Variants in MDGA2 observed in about 807,000 individuals in gnomAD.
The protein encoded by MDGA2 is MAM domain containing glycosylphosphatidylinositol anchor 2.
Under a neutral mutation model 117.8 loss-of-function variants are expected in MDGA2, and 40 were observed. The observed-to-expected ratio is 0.34, with a 90% CI of 0.26 to 0.44. The LOEUF is 0.44. Ranked by LOEUF, MDGA2 falls within the 20% of genes least tolerant of loss-of-function variation. MDGA2 has a pLI of 1.00. For synonymous variants in MDGA2, 452 were observed against 439.0 expected, an observed-to-expected ratio of 1.03 and a Z score of -0.37; for missense variants, 1,123 against 1,250.6, an observed-to-expected ratio of 0.90 and a Z score of 1.54.
At chr14:47,398,682 G>T (rs1310454970) in intron 1 of MDGA2, among the ~76,000 whole-genome samples, 1 of 152,072 alleles carries the variant, frequency 6.6e-6, no homozygotes, top group Non-Finnish European at 1.5e-5. Context: ...CTGTGGTGCT[G>T]TATTTCATGC....
intron 2 of MDGA2, among the ~76,000 whole-genome samples, chr14:47,282,287 T>G (rs753716346): frequency 1.1e-4 from 16 of 152,162 alleles, no homozygotes; most frequent in Admixed American, 3.9e-4. Context: ...ATGCAGTCAC[T>G]TGAGGTTCAT....
chr14:47,324,031 G>A (rs1890066915), intron 1 of MDGA2, among the ~76,000 whole-genome samples: 1 of 151,840 alleles, frequency 6.6e-6, no homozygotes, highest in African/African-American at 2.4e-5. Flanking sequence ...GAATCATGAG[G>A]TCAGGAGACT....
intron 1 of MDGA2, among the ~76,000 whole-genome samples, chr14:47,629,021 C>G (rs1348837467): frequency 6.6e-6 from 1 of 152,220 alleles, no homozygotes; most frequent in South Asian, 2.1e-4. Context: ...TGTACCCACT[C>G]CTGCTTTTCT....
intron 14 of MDGA2, among the ~76,000 whole-genome samples, chr14:46,857,836 T>C (rs117579481): frequency 6.6e-6 from 1 of 152,046 alleles, no homozygotes; most frequent in Non-Finnish European, 1.5e-5. Flanking sequence ...TTTATCTTTT[T>C]TTATGAATGG....
chr14:46,860,304 A>G (rs775002499), intron 14 of MDGA2, among the ~76,000 whole-genome samples: 21 of 151,988 alleles, frequency 1.4e-4, no homozygotes, highest in Non-Finnish European at 2.4e-4. Context: ...CACATTTATT[A>G]TTATATAAAA....
chr14:47,086,515 A>T (rs1280724706), intron 6 of MDGA2, among the ~76,000 whole-genome samples: 1 of 152,114 alleles, frequency 6.6e-6, no homozygotes, highest in African/African-American at 2.4e-5. Context: ...AATTGCAAAA[A>T]TAAGTTTTAA....
rs369961058 is a variant in MDGA2, at chr14:46,865,415, C to A, written c.2752+8018G>T. Reference sequence around the variant, plus strand: ...TCAAAATAATAAGAGCTATCTATGACAAACCCACAGCCAATATCATACTGA... The same window carrying A: ...TCAAAATAATAAGAGCTATCTATGAAAAACCCACAGCCAATATCATACTGA... On this transcript the variant is annotated intron_variant, in intron 14 of 16. Transcript: ENST00000399232. Among the ~76,000 whole-genome samples, 7 of 152,234 alleles carry A rather than the reference C, an allele frequency of 4.6e-5. No homozygotes were observed. In the East Asian group the frequency reaches 9.7e-4, roughly 21 times the overall value.
At chr14:47,559,771 C>A (rs1441402559) in intron 1 of MDGA2, among the ~76,000 whole-genome samples, 1 of 151,928 alleles carries the variant, frequency 6.6e-6, no homozygotes, top group African/African-American at 2.4e-5. Flanking sequence ...CGAAGTTTCA[C>A]CATGTTGGTC....
At chr14:47,379,075 G>A (rs1257777266) in intron 1 of MDGA2, among the ~76,000 whole-genome samples, 2 of 152,180 alleles carry the variant, frequency 1.3e-5, no homozygotes, top group African/African-American at 2.4e-5. Context: ...CATTCTTAAA[G>A]AAAAGAATTT....
At chr14:46,851,712 G>A (rs972661571) in intron 15 of MDGA2, among the ~76,000 whole-genome samples, 1 of 151,748 alleles carries the variant, frequency 6.6e-6, no homozygotes, top group African/African-American at 2.4e-5. Flanking sequence ...AGAGGTAAAA[G>A]TTGTGCCGTC....
intron 7 of MDGA2, among the ~76,000 whole-genome samples, chr14:47,043,965 A>C (rs1889166998): frequency 6.6e-6 from 1 of 152,078 alleles, no homozygotes; most frequent in Non-Finnish European, 1.5e-5. Flanking sequence ...TATTCTGTAC[A>C]TGTCATGACG....
At chr14:47,020,157 C>G (rs1888236732) in intron 8 of MDGA2, among the ~76,000 whole-genome samples, 1 of 149,824 alleles carries the variant, frequency 6.7e-6, no homozygotes, top group Non-Finnish European at 1.5e-5. Flanking sequence ...AATCTTTTTC[C>G]AACTATGGGA....
chr14:47,265,702 C>G (rs1594761529), intron 2 of MDGA2, among the ~76,000 whole-genome samples: 1 of 151,700 alleles, frequency 6.6e-6, no homozygotes, highest in Non-Finnish European at 1.5e-5. Flanking sequence ...AACTGACTAG[C>G]CAAATCTGAA....
At chr14:47,315,881 C>T (rs1248962927) in intron 1 of MDGA2, among the ~76,000 whole-genome samples, 2 of 150,270 alleles carry the variant, frequency 1.3e-5, no homozygotes, top group Non-Finnish European at 3.0e-5. Flanking sequence ...TTTTCTGCCA[C>T]AAGTTTTTTT....
At chr14:47,497,705 A>G (rs1894312427) in intron 1 of MDGA2, among the ~76,000 whole-genome samples, 2 of 152,214 alleles carry the variant, frequency 1.3e-5, no homozygotes, top group South Asian at 2.1e-4. Flanking sequence ...TTACATAAAT[A>G]GATTATGCTC....
chr14:47,225,344 A>G (rs1335596801), intron 2 of MDGA2, among the ~76,000 whole-genome samples: 2 of 151,860 alleles, frequency 1.3e-5, no homozygotes, highest in Non-Finnish European at 2.9e-5. Context: ...TCATGCTGCT[A>G]TAAAGACACA....
intron 3 of MDGA2, among the ~76,000 whole-genome samples, chr14:47,151,688 G>T (rs958562248): frequency 1.3e-5 from 2 of 151,656 alleles, no homozygotes; most frequent in African/African-American, 4.8e-5. Flanking sequence ...TTTTAAAAGT[G>T]TATGATTTTT....
At chr14:47,529,430 C>T (rs1465914978) in intron 1 of MDGA2, among the ~76,000 whole-genome samples, 1 of 152,076 alleles carries the variant, frequency 6.6e-6, no homozygotes, top group Non-Finnish European at 1.5e-5. Context: ...GCATAATAAT[C>T]ACATCAGAGT....
intron 1 of MDGA2, among the ~76,000 whole-genome samples, chr14:47,595,429 G>A (rs1343432836): frequency 6.6e-6 from 1 of 151,484 alleles, no homozygotes; most frequent in Non-Finnish European, 1.5e-5. Flanking sequence ...AGCTACTCGG[G>A]AGGCTGAGGC....
Sources: allele counts gnomAD v4.1 joint callset (sites outside exome capture counted in the v4.1 genomes callset), GRCh38; gene constraint gnomAD v4.1.1; transcripts MANE v1.5; gene names NCBI Gene and HGNC (gene_info 2026-07-23, HGNC 2026-07-21).